PIK3R3: variants seen among roughly 807,000 people sequenced by gnomAD.
PIK3R3 encodes phosphatidylinositol 3-kinase regulatory subunit gamma.
Under a neutral mutation model 62.9 loss-of-function variants are expected in PIK3R3, and 64 were observed. The ratio of observed to expected loss-of-function variants is 1.02; its 90% CI spans 0.83 to 1.25. The LOEUF (loss-of-function observed/expected upper bound fraction) is 1.25, where lower values mean the gene tolerates loss of function less well. PIK3R3 is among the 50% of genes most tolerant of loss of function. The pLI is 0.00. For synonymous variants in PIK3R3, 165 were observed against 189.0 expected, an observed-to-expected ratio of 0.87 and a Z score of 1.04; for missense variants, 614 against 561.6, an observed-to-expected ratio of 1.09 and a Z score of -0.94.
chr1:46,064,936 C>T (rs961481479), intron 5 of PIK3R3, among the ~76,000 whole-genome samples: 1 of 151,908 alleles, frequency 6.6e-6, no homozygotes, highest in African/African-American at 2.4e-5. Flanking sequence ...ATTCATGAAA[C>T]AGAAAGTAAA....
chr1:46,093,336 T>C (rs190712684), intron 1 of PIK3R3, among the ~76,000 whole-genome samples: 41 of 152,184 alleles, frequency 2.7e-4, no homozygotes, highest in Non-Finnish European at 5.9e-5. Context: ...TTAAGCTATA[T>C]TTAGTTACTC....
the PIK3R3 span, among the ~76,000 whole-genome samples, chr1:46,161,984 T>C: frequency 1.1e-3 from 160 of 149,776 alleles, no homozygotes; most frequent in African/African-American, 3.7e-3. Flanking sequence ...CCCAGCTGCT[T>C]GGGAGGCTGA....
chr1:46,057,842 T>C (rs1011612117), intron 6 of PIK3R3, among the ~76,000 whole-genome samples: 3 of 151,308 alleles, frequency 2.0e-5, no homozygotes, highest in African/African-American at 7.3e-5. Flanking sequence ...GACAATGCAA[T>C]AGAAAATAAA....
rs565894395 is a variant in PIK3R3, at chr1:46,104,372, TG to T, written c.107-23623del. On this transcript the variant is annotated intron_variant, in intron 1 of 9. Coordinates refer to ENST00000262741, the MANE Select transcript of PIK3R3 (RefSeq NM_003629.4). Reference sequence around the variant, plus strand: ...TTTCAACTTCTTTTCAAGTCAGTTTTGGTAAGATTTGCTTAGTTATTTTTAA... The same window carrying T: ...TTTCAACTTCTTTTCAAGTCAGTTTTGTAAGATTTGCTTAGTTATTTTTAA... Among the ~76,000 whole-genome samples, 13 of 152,370 alleles carry T rather than the reference TG, an allele frequency of 8.5e-5. No homozygotes were observed. In the East Asian group the frequency reaches 1.7e-3, roughly 20 times the overall value.
intron 7 of PIK3R3, among the ~76,000 whole-genome samples, chr1:46,047,585 A>G (rs1436410642): frequency 6.6e-6 from 1 of 152,138 alleles, no homozygotes; most frequent in Admixed American, 6.5e-5. Flanking sequence ...AGTGGAAAGC[A>G]TCTTCGTTCA....
At chr1:46,142,486 C>T in the PIK3R3 span, among the ~76,000 whole-genome samples, 1 of 152,290 alleles carries the variant, frequency 6.6e-6, no homozygotes, top group East Asian at 1.9e-4. Flanking sequence ...ATCACGAGGT[C>T]AGGAGATCGA....
chr1:46,108,090 A>C (rs922682921), intron 1 of PIK3R3, among the ~76,000 whole-genome samples: 1 of 152,212 alleles, frequency 6.6e-6, no homozygotes, highest in Non-Finnish European at 1.5e-5. Context: ...TCTTTTCATC[A>C]TTATGCCCTA....
In PIK3R3 at chr1:46,055,925, G is replaced by C. The variant is rs760080844; in HGVS notation, c.811C>G (p.His271Asp). 2.5e-6 allele frequency: 4 copies of C among 1,606,858 alleles called. No homozygotes were observed. Among genetic ancestry groups the C allele is most frequent in the Non-Finnish European group, 3.4e-6 (4 of 1,176,264 alleles). The change falls in exon 7 of 10, where the codon CAT (histidine) becomes GAT (aspartate). Residue 271 changes from histidine (H) to aspartate (D), a missense_variant. Transcript: ENST00000262741. Reference sequence around the variant, plus strand: ...TGCTCTAGACGCATTTTGCTATCATGAATCTCACCCAGACGTGATTTCAAT... The same window carrying C: ...TGCTCTAGACGCATTTTGCTATCATCAATCTCACCCAGACGTGATTTCAAT... ...DKLKSRLGEI[H>D]DSKMRLEQDL... is the part of the protein sequence containing the mutation.
chr1:46,124,659 G>C (rs1654937441), intron 1 of PIK3R3, among the ~76,000 whole-genome samples: 1 of 151,964 alleles, frequency 6.6e-6, no homozygotes, highest in Admixed American at 6.6e-5. Context: ...AGCTGGGCGT[G>C]GTGGCACATG....
At position 46,071,712 on chromosome 1, in the gene PIK3R3, A is replaced by AAAAAAAAACATATATATATAT. The variant is rs1472807815; in HGVS notation, c.315-4622_315-4621insATATATATATATGTTTTTTTT. Among the ~76,000 whole-genome samples the AAAAAAAAACATATATATATAT allele has an allele frequency of 3.2e-4, 8 of 24,636 alleles. 2 individuals carry two copies. The highest frequency in any genetic ancestry group is 6.2e-4 in the Admixed American group (1 of 1,618). 16.2% of individuals were successfully genotyped at this position (24,636 alleles called of 152,430 possible). A position where few individuals can be genotyped will look rare whatever the true frequency, so the allele number is the denominator to read the frequency against. ...CTCTGTCTCCAAAAAAAAAAAAAAAAATATATATATATATATATAGAGAGA... is the reference window on the plus strand; with the variant it reads ...CTCTGTCTCCAAAAAAAAAAAAAAAAAAAAAAAACATATATATATATATATATATATATATATATAGAGAGA... On this transcript the variant is annotated intron_variant, in intron 3 of 9. Transcript: ENST00000262741.
chr1:46,058,022 C>T (rs1444518575), intron 6 of PIK3R3, among the ~76,000 whole-genome samples: 2 of 152,176 alleles, frequency 1.3e-5, no homozygotes, highest in African/African-American at 2.4e-5. Flanking sequence ...AAAGGAGTTT[C>T]GTGAGCTGGG....
chr1:46,167,812 T>C, the PIK3R3 span, among the ~76,000 whole-genome samples: 1 of 152,230 alleles, frequency 6.6e-6, no homozygotes, highest in Admixed American at 6.5e-5. Flanking sequence ...AAGAAAGTTC[T>C]TTCCCCTTTG....
intron 7 of PIK3R3, among the ~76,000 whole-genome samples, chr1:46,054,993 C>A (rs925109596): frequency 2.0e-5 from 3 of 152,204 alleles, no homozygotes; most frequent in Admixed American, 1.3e-4. Flanking sequence ...ACCTCTGCCT[C>A]CCAGGTTCAA....
intron 1 of PIK3R3, among the ~76,000 whole-genome samples, chr1:46,102,255 G>A (rs1364677520): frequency 6.6e-6 from 1 of 152,090 alleles, no homozygotes; most frequent in Non-Finnish European, 1.5e-5. Flanking sequence ...AAAGTGCTGG[G>A]ATTACAGGCG....
the PIK3R3 span, among the ~76,000 whole-genome samples, chr1:46,146,686 T>TAC: frequency 0.01 from 971 of 92,636 alleles, 22 homozygotes; most frequent in Non-Finnish European, 0.011. Context: ...CCTCCAACTC[T>TAC]ACACACACAC....
At chr1:46,101,372 T>C (rs774728644) in intron 1 of PIK3R3, among the ~76,000 whole-genome samples, 16 of 151,960 alleles carry the variant, frequency 1.1e-4, no homozygotes, top group Non-Finnish European at 2.2e-4. Context: ...GGCATGCGCC[T>C]GTAGTCACAG....
chr1:46,135,686 A>C (rs956501755), upstream of PIK3R3, among the ~76,000 whole-genome samples: 1 of 152,174 alleles, frequency 6.6e-6, no homozygotes, highest in Middle Eastern at 3.2e-3. Flanking sequence ...CTCAGCCAGA[A>C]GTTCTTCGTG....
At chr1:46,062,678 G>C (rs771605756) in intron 5 of PIK3R3, among the ~76,000 whole-genome samples, 1 of 152,218 alleles carries the variant, frequency 6.6e-6, no homozygotes, top group Non-Finnish European at 1.5e-5. Flanking sequence ...TAAGGGTCTA[G>C]AAAAACTGCT....
intron 1 of PIK3R3, among the ~76,000 whole-genome samples, chr1:46,122,089 A>C (rs1654727289): frequency 6.6e-6 from 1 of 151,898 alleles, no homozygotes; most frequent in Admixed American, 6.6e-5. Flanking sequence ...AAATAAAATA[A>C]AATAAAATAA....
Sources: gnomAD v4.1 joint callset for allele counts (sites outside exome capture counted in the v4.1 genomes callset) on GRCh38, gnomAD v4.1.1 for gene constraint, MANE v1.5 for transcripts, NCBI Gene and HGNC (gene_info 2026-07-23, HGNC 2026-07-21) for gene names.